Variants in CAPZB observed in about 807,000 individuals in gnomAD.
CAPZB encodes F-actin-capping protein subunit beta.
Under a neutral mutation model 38.1 loss-of-function variants are expected in CAPZB, and 2 were observed. That is an observed-to-expected ratio of 0.05 (90% CI 0.02 to 0.17). CAPZB has a LOEUF of 0.17. CAPZB is among the 10% of genes least tolerant of loss of function. CAPZB has a pLI of 1.00. For synonymous variants in CAPZB, 107 were observed against 127.4 expected (o/e 0.84, Z 1.08); for missense variants, 161 against 334.2 (o/e 0.48, Z 4.04).
At chr1:19,348,788 C>T (rs978989872) in intron 6 of CAPZB, among the ~76,000 whole-genome samples, 1 of 149,274 alleles carries the variant, frequency 6.7e-6, no homozygotes, top group Non-Finnish European at 1.5e-5. Context: ...GTGAGGGCAA[C>T]AGTCCAGAAC....
chr1:19,434,634 G>A (rs1031489122), intron 1 of CAPZB, among the ~76,000 whole-genome samples: 1 of 151,326 alleles, frequency 6.6e-6, no homozygotes, highest in Non-Finnish European at 1.5e-5. Context: ...GAAAACATAA[G>A]ATTATAATGT....
At chr1:19,408,872 TC>T (rs1175620309) in intron 2 of CAPZB, among the ~76,000 whole-genome samples, 1 of 152,214 alleles carries the variant, frequency 6.6e-6, no homozygotes, top group East Asian at 1.9e-4. Context: ...TCTACCTTTG[TC>T]CCTCCTATTG....
intron 4 of CAPZB, among the ~76,000 whole-genome samples, chr1:19,376,953 G>A (rs2094147669): frequency 6.6e-6 from 1 of 152,188 alleles, no homozygotes. Context: ...TTGTAAGAGG[G>A]GGATAACCCT....
intron 1 of CAPZB, among the ~76,000 whole-genome samples, chr1:19,435,972 C>T (rs4912094): frequency 0.23 from 34,274 of 152,170 alleles, 4,366 homozygotes; most frequent in Non-Finnish European, 0.28. Context: ...GCAAGATTGT[C>T]TGCATTCAAA....
chr1:19,402,117 G>A (rs115104812), intron 2 of CAPZB, among the ~76,000 whole-genome samples: 1,856 of 152,278 alleles, frequency 0.012, 33 homozygotes, highest in African/African-American at 0.041. Context: ...CAAAATCTAC[G>A]AGTTCAGGAA....
intron 1 of CAPZB, chr1:19,449,264 T>G: frequency 9.4e-7 from 1 of 1,065,942 alleles, no homozygotes; most frequent in East Asian, 6.6e-5. Context: ...CACTTGAAAA[T>G]TCCGATGACA....
intron 6 of CAPZB, among the ~76,000 whole-genome samples, chr1:19,352,790 T>G (rs1173691518): frequency 6.6e-6 from 1 of 152,196 alleles, no homozygotes; most frequent in Non-Finnish European, 1.5e-5. Flanking sequence ...TTTTGGTGGT[T>G]GGAGGTGGGA....
intron 1 of CAPZB, among the ~76,000 whole-genome samples, chr1:19,465,203 T>C (rs975733390): frequency 2.6e-5 from 4 of 152,092 alleles, no homozygotes; most frequent in African/African-American, 9.7e-5. Flanking sequence ...TGAAACATAA[T>C]CCCCAATGCC....
At chr1:19,453,693 A>G (rs986992205) in intron 1 of CAPZB, among the ~76,000 whole-genome samples, 5 of 152,012 alleles carry the variant, frequency 3.3e-5, no homozygotes, top group Non-Finnish European at 7.4e-5. Flanking sequence ...AACACATCTC[A>G]CAACTCAAAA....
At chr1:19,374,484 A>G (rs1429914117) in intron 4 of CAPZB, 2 of 152,374 alleles carry the variant, frequency 1.3e-5, no homozygotes, top group African/African-American at 2.4e-5. Context: ...GACCCTGTCA[A>G]CACAGTCTGC....
At chr1:19,466,286 C>T (rs1423030837) in intron 1 of CAPZB, among the ~76,000 whole-genome samples, 3 of 152,204 alleles carry the variant, frequency 2.0e-5, no homozygotes, top group African/African-American at 7.2e-5. Context: ...AAGGTCCTGC[C>T]TAGCTCCAAA....
chr1:19,399,480 G>C (rs939960239), intron 2 of CAPZB, among the ~76,000 whole-genome samples: 2 of 152,186 alleles, frequency 1.3e-5, no homozygotes, highest in Non-Finnish European at 2.9e-5. Context: ...TTACTACCCA[G>C]AGCTTTTCCT....
At chr1:19,347,591 T>C (rs2093968849) in intron 6 of CAPZB, among the ~76,000 whole-genome samples, 1 of 152,206 alleles carries the variant, frequency 6.6e-6, no homozygotes, top group African/African-American at 2.4e-5. Context: ...TGGCACCCTG[T>C]AGCAGTCTCT....
intron 1 of CAPZB, among the ~76,000 whole-genome samples, chr1:19,439,070 C>G (rs1456766383): frequency 6.6e-6 from 1 of 152,174 alleles, no homozygotes; most frequent in South Asian, 2.1e-4. Context: ...TGGCTACAAG[C>G]GTTCAGGAGG....
intron 2 of CAPZB, among the ~76,000 whole-genome samples, chr1:19,411,344 T>G (rs1027874545): frequency 1.3e-5 from 2 of 152,248 alleles, no homozygotes; most frequent in African/African-American, 4.8e-5. Context: ...TTGTATTCTC[T>G]GAAAAATAAC....
chr1:19,385,443 G>A (rs947230370), intron 3 of CAPZB, 62 bp downstream of exon 3: 3 of 1,604,162 alleles, frequency 1.9e-6, no homozygotes, highest in Non-Finnish European at 2.6e-6. Context: ...CTCTGCAGCA[G>A]GTACCTACGG....
intron 1 of CAPZB, among the ~76,000 whole-genome samples, chr1:19,454,841 T>A (rs766339067): frequency 2.1e-4 from 32 of 152,204 alleles, no homozygotes; most frequent in Non-Finnish European, 4.0e-4. Context: ...AAATTACTGT[T>A]CCGTTCATCT....
intron 1 of CAPZB, among the ~76,000 whole-genome samples, chr1:19,438,088 G>A (rs1180952611): frequency 6.6e-6 from 1 of 152,126 alleles, no homozygotes; most frequent in South Asian, 2.1e-4. Context: ...TACCTCCTAC[G>A]TCAGGGGAGG....
chr1:19,344,471 C>A, intron 7 of CAPZB, 37 bp from the exon 8 acceptor site: 1 of 1,549,404 alleles, frequency 6.5e-7, no homozygotes, highest in South Asian at 1.1e-5. Context: ...GGCAAAAGGT[C>A]AGGAACCCTG....
Sources: allele counts gnomAD v4.1 joint callset (sites outside exome capture counted in the v4.1 genomes callset), GRCh38; gene constraint gnomAD v4.1.1; transcripts MANE v1.5; gene names NCBI Gene and HGNC (gene_info 2026-07-23, HGNC 2026-07-21).